Variants in XKR9 observed in about 807,000 individuals in gnomAD.
XKR9 encodes XK related 9.
In XKR9, 32 loss-of-function variants were observed where a neutral mutation model predicts 32.0. The observed-to-expected ratio is 1.00, with a 90% confidence interval of 0.76 to 1.34. The LOEUF (loss-of-function observed/expected upper bound fraction) is 1.34, where lower values mean the gene tolerates loss of function less well. Ranked by LOEUF, XKR9 falls within the 40% of genes most tolerant of loss-of-function variation. XKR9 has a pLI of 0.00. For synonymous variants in XKR9, 168 were observed against 143.4 expected, an observed-to-expected ratio of 1.17 and a Z score of -1.22; for missense variants, 546 against 429.7, an observed-to-expected ratio of 1.27 and a Z score of -2.39.
the XKR9 span, among the ~76,000 whole-genome samples, chr8:70,863,962 CT>C: frequency 2.6e-5 from 4 of 152,010 alleles, no homozygotes; most frequent in African/African-American, 9.7e-5. Context: ...TATTTTTAAA[CT>C]TTTTATTTGC....
At chr8:70,941,134 A>G in the XKR9 span, among the ~76,000 whole-genome samples, 2 of 151,912 alleles carry the variant, frequency 1.3e-5, no homozygotes, top group African/African-American at 4.8e-5. Flanking sequence ...CCCTCCTACT[A>G]GTCCTTGGCA....
chr8:70,856,040 C>A, the XKR9 span, among the ~76,000 whole-genome samples: 1 of 152,150 alleles, frequency 6.6e-6, no homozygotes, highest in Non-Finnish European at 1.5e-5. Flanking sequence ...ATTGTAAAGA[C>A]CATCGAGGCT....
chr8:71,042,539 C>A, the XKR9 span, among the ~76,000 whole-genome samples: 1 of 152,080 alleles, frequency 6.6e-6, no homozygotes, highest in Non-Finnish European at 1.5e-5. Flanking sequence ...TGATTTCATT[C>A]ACATTAAGTG....
chr8:70,816,148 C>T, the XKR9 span, among the ~76,000 whole-genome samples: 1 of 152,072 alleles, frequency 6.6e-6, no homozygotes, highest in Non-Finnish European at 1.5e-5. Flanking sequence ...AAAACAGACA[C>T]ACAGATAAAT....
At chr8:70,788,352 G>A (rs761490619) in intron 2 of XKR9, among the ~76,000 whole-genome samples, 2 of 152,078 alleles carry the variant, frequency 1.3e-5, no homozygotes, top group African/African-American at 2.4e-5. Context: ...TTCTGTTGAT[G>A]TTTTACAACA....
chr8:70,841,448 A>C, the XKR9 span, among the ~76,000 whole-genome samples: 2 of 152,162 alleles, frequency 1.3e-5, no homozygotes, highest in African/African-American at 4.8e-5. Context: ...CTTGCATAAA[A>C]ATTGCAAGAA....
chr8:70,823,947 A>C, the XKR9 span, among the ~76,000 whole-genome samples: 1 of 152,228 alleles, frequency 6.6e-6, no homozygotes, highest in South Asian at 2.1e-4. Context: ...CACTATTCTC[A>C]AAGAACTTGA....
chr8:70,907,095 C>T, the XKR9 span, among the ~76,000 whole-genome samples: 6 of 152,132 alleles, frequency 3.9e-5, no homozygotes, highest in African/African-American at 1.4e-4. Context: ...CTTTGCCCTT[C>T]CTGAATCATG....
chr8:71,051,316 G>T, the XKR9 span, among the ~76,000 whole-genome samples: 288 of 152,268 alleles, frequency 1.9e-3, 1 homozygote, highest in African/African-American at 6.4e-3. Context: ...TCAGAGGCCA[G>T]TGATTAGTTC....
chr8:70,978,581 G>A, the XKR9 span, among the ~76,000 whole-genome samples: 1 of 151,442 alleles, frequency 6.6e-6, no homozygotes, highest in Non-Finnish European at 1.5e-5. Context: ...CTTGTGGCTT[G>A]TAGAGTTTCT....
the XKR9 span, among the ~76,000 whole-genome samples, chr8:70,895,168 C>G: frequency 9.9e-5 from 15 of 152,032 alleles, no homozygotes; most frequent in African/African-American, 3.6e-4. Flanking sequence ...CTTACCTCCT[C>G]ATTGTAGAGA....
At chr8:70,891,277 G>T in the XKR9 span, among the ~76,000 whole-genome samples, 1 of 150,908 alleles carries the variant, frequency 6.6e-6, no homozygotes, top group South Asian at 2.1e-4. Flanking sequence ...GTATTTTTTA[G>T]TCTCAATTTT....
intron 2 of XKR9, among the ~76,000 whole-genome samples, chr8:70,784,916 A>G (rs1807663151): frequency 6.6e-6 from 1 of 151,318 alleles, no homozygotes; most frequent in South Asian, 2.1e-4. Flanking sequence ...TCATGAAAGG[A>G]TGTCGAATTT....
At chr8:70,714,302 G>A (rs1245692464) in intron 4 of XKR9, among the ~76,000 whole-genome samples, 1 of 151,938 alleles carries the variant, frequency 6.6e-6, no homozygotes, top group African/African-American at 2.4e-5. Flanking sequence ...AGATATTAAT[G>A]TAAATATTTA....
the XKR9 span, among the ~76,000 whole-genome samples, chr8:71,043,986 T>G: frequency 1.3e-5 from 2 of 152,176 alleles, no homozygotes; most frequent in Non-Finnish European, 2.9e-5. Flanking sequence ...TTTAACTATC[T>G]GATTCCAGGG....
At chr8:70,746,567 G>T (rs1807062507) in intron 2 of XKR9, among the ~76,000 whole-genome samples, 1 of 151,320 alleles carries the variant, frequency 6.6e-6, no homozygotes, top group Admixed American at 6.6e-5. Flanking sequence ...GGTAGGAAAG[G>T]ACTAGAGGAA....
intron 2 of XKR9, among the ~76,000 whole-genome samples, chr8:70,773,325 A>G (rs756302521): frequency 1.4e-4 from 21 of 152,226 alleles, no homozygotes; most frequent in Non-Finnish European, 2.4e-4. Flanking sequence ...ATTATGCGTT[A>G]ACAAATTGGT....
At chr8:70,814,249 A>G in the XKR9 span, among the ~76,000 whole-genome samples, 1 of 152,034 alleles carries the variant, frequency 6.6e-6, no homozygotes, top group South Asian at 2.1e-4. Flanking sequence ...CAATGAGAAC[A>G]CGTGGACACA....
At chr8:70,673,720 G>A (rs868428600) in intron 1 of XKR9, among the ~76,000 whole-genome samples, 2 of 151,822 alleles carry the variant, frequency 1.3e-5, no homozygotes, top group South Asian at 2.1e-4. Context: ...AGCTGAGATC[G>A]CGGCACTGCA....
Sources: gnomAD v4.1 joint callset for allele counts (sites outside exome capture counted in the v4.1 genomes callset) on GRCh38, gnomAD v4.1.1 for gene constraint, MANE v1.5 for transcripts, NCBI Gene and HGNC (gene_info 2026-07-23, HGNC 2026-07-21) for gene names.